FHIT: variants seen among roughly 807,000 people sequenced by gnomAD.
The protein encoded by FHIT is fragile histidine triad diadenosine triphosphatase, also known as bis(5'-adenosyl)-triphosphatase.
In FHIT, 19 loss-of-function variants were observed where a neutral mutation model predicts 17.9. That is an observed-to-expected ratio of 1.06 (90% CI 0.74 to 1.56). FHIT has a LOEUF of 1.56. Ranked by LOEUF, FHIT falls within the 40% of genes most tolerant of loss-of-function variation. FHIT has a pLI of 0.00. For synonymous variants in FHIT, 81 were observed against 69.7 expected (o/e 1.16, Z -0.81); for missense variants, 248 against 189.2 (o/e 1.31, Z -1.82).
intron 2 of FHIT, among the ~76,000 whole-genome samples, chr3:61,154,764 G>A (rs987637148): frequency 2.0e-5 from 3 of 152,158 alleles, no homozygotes; most frequent in Non-Finnish European, 4.4e-5. Flanking sequence ...CCTTGAGGTG[G>A]AAAACCAAAA....
At chr3:61,057,526 GA>G (rs542110857) in intron 2 of FHIT, among the ~76,000 whole-genome samples, 11 of 149,704 alleles carry the variant, frequency 7.3e-5, no homozygotes, top group South Asian at 2.1e-4. Flanking sequence ...TCTTTGGTAG[GA>G]AAAAAAAAAT....
intron 5 of FHIT, among the ~76,000 whole-genome samples, chr3:60,514,269 C>T (rs2035061313): frequency 6.6e-6 from 1 of 152,232 alleles, no homozygotes; most frequent in Non-Finnish European, 1.5e-5. Flanking sequence ...GCTAAAAGAG[C>T]ATTGTAACAC....
At chr3:59,815,006 T>C (rs1700546761) in intron 8 of FHIT, among the ~76,000 whole-genome samples, 3 of 152,228 alleles carry the variant, frequency 2.0e-5, no homozygotes, top group Admixed American at 2.0e-4. Context: ...GTGATACTGA[T>C]TGTACACTTA....
chr3:61,110,963 A>AT (rs1391589148), intron 2 of FHIT, among the ~76,000 whole-genome samples: 1 of 152,174 alleles, frequency 6.6e-6, no homozygotes, highest in East Asian at 1.9e-4. Flanking sequence ...AGTAACTTTG[A>AT]TTTTTCAGTC....
intron 4 of FHIT, among the ~76,000 whole-genome samples, chr3:60,812,208 G>C (rs560127541): frequency 8.0e-4 from 115 of 144,018 alleles, no homozygotes; most frequent in African/African-American, 2.9e-3. Flanking sequence ...GAGTCTGGCT[G>C]TTGTTGCTCA....
intron 5 of FHIT, among the ~76,000 whole-genome samples, chr3:60,294,978 G>T (rs1351581892): frequency 1.3e-5 from 2 of 152,160 alleles, no homozygotes; most frequent in African/African-American, 4.8e-5. Context: ...GAATAAAGCT[G>T]CTAGGAACAT....
chr3:60,879,684 T>G (rs1002882218), intron 3 of FHIT, among the ~76,000 whole-genome samples: 1 of 151,804 alleles, frequency 6.6e-6, no homozygotes, highest in Non-Finnish European at 1.5e-5. Flanking sequence ...GAAAAAGAAT[T>G]TATTATATAA....
intron 4 of FHIT, among the ~76,000 whole-genome samples, chr3:60,576,378 G>A (rs2037565663): frequency 1.3e-5 from 2 of 152,180 alleles, no homozygotes; most frequent in East Asian, 1.9e-4. Flanking sequence ...AACACCAAGG[G>A]TATGGTGTCT....
chr3:59,998,910 A>G (rs1035107536), intron 7 of FHIT, among the ~76,000 whole-genome samples: 1 of 152,124 alleles, frequency 6.6e-6, no homozygotes, highest in African/African-American at 2.4e-5. Flanking sequence ...AAATTTCTCT[A>G]TCTCAGCCCT....
chr3:60,068,317 C>A (rs993677132), intron 5 of FHIT, among the ~76,000 whole-genome samples: 2 of 152,162 alleles, frequency 1.3e-5, no homozygotes, highest in Non-Finnish European at 2.9e-5. Flanking sequence ...TGTTTGCTTT[C>A]CCAAAGGGGC....
chr3:61,039,290 G>A (rs577199154), intron 3 of FHIT, among the ~76,000 whole-genome samples: 1 of 152,092 alleles, frequency 6.6e-6, no homozygotes, highest in East Asian at 1.9e-4. Context: ...AAACATGAAC[G>A]TTTTATAGAG....
intron 5 of FHIT, among the ~76,000 whole-genome samples, chr3:60,454,003 G>A (rs1321517019): frequency 6.6e-6 from 1 of 152,126 alleles, no homozygotes. Flanking sequence ...AAGAGAAGAT[G>A]CCATGTTCAT....
In FHIT at chr3:60,147,686, A is replaced by AT. The variant is rs956633318; in HGVS notation, c.104-133535dup. Among the ~76,000 whole-genome samples the AT allele has an allele frequency of 2.0e-5, 3 of 152,088 alleles. No homozygotes were observed. The East Asian group carries it at 5.8e-4, about 29-fold the overall frequency. On this transcript the variant is annotated intron_variant, in intron 5 of 9. Transcript: ENST00000492590. ...GAAACAGCCAAGAAACCCTGAGCAA[A>AT]TTTTTTTCCCCCTAAGAATAAAGGA... is the stretch of plus-strand genomic sequence containing the variant.
intron 5 of FHIT, among the ~76,000 whole-genome samples, chr3:60,383,891 T>C (rs1203208719): frequency 6.6e-6 from 1 of 152,104 alleles, no homozygotes; most frequent in East Asian, 1.9e-4. Flanking sequence ...AAAAGACATA[T>C]TAATTGCAAA....
At chr3:60,101,630 G>A (rs1170332764) in intron 5 of FHIT, among the ~76,000 whole-genome samples, 1 of 152,146 alleles carries the variant, frequency 6.6e-6, no homozygotes, top group Non-Finnish European at 1.5e-5. Flanking sequence ...CTATTGGAAT[G>A]TAATTCCATG....
chr3:61,213,387 C>G (rs890651739), intron 1 of FHIT, among the ~76,000 whole-genome samples: 2 of 152,108 alleles, frequency 1.3e-5, no homozygotes, highest in African/African-American at 4.8e-5. Context: ...TTTAAACCAA[C>G]AAAGATCAAA....
At chr3:60,893,264 G>C (rs1705608881) in intron 3 of FHIT, among the ~76,000 whole-genome samples, 3 of 152,116 alleles carry the variant, frequency 2.0e-5, no homozygotes. Flanking sequence ...TTTTCCACAA[G>C]TTTCCACTCT....
At chr3:59,801,132 AT>A (rs919911913) in intron 8 of FHIT, among the ~76,000 whole-genome samples, 2 of 152,192 alleles carry the variant, frequency 1.3e-5, no homozygotes, top group Non-Finnish European at 2.9e-5. Context: ...ATGACCCAAC[AT>A]TTATTGAGCA....
chr3:60,453,832 A>C (rs991668400), intron 5 of FHIT, among the ~76,000 whole-genome samples: 2 of 152,204 alleles, frequency 1.3e-5, no homozygotes, highest in Non-Finnish European at 2.9e-5. Context: ...TGTCACAATA[A>C]GCTATATAAA....
Sources: gnomAD v4.1 joint callset for allele counts (sites outside exome capture counted in the v4.1 genomes callset) on GRCh38, gnomAD v4.1.1 for gene constraint, MANE v1.5 for transcripts, NCBI Gene and HGNC (gene_info 2026-07-23, HGNC 2026-07-21) for gene names.